The following UBXN7 variants were observed in gnomAD, a reference collection of about 807,000 sequenced individuals.
The protein encoded by UBXN7 is UBX domain protein 7.
Under a neutral mutation model 58.0 loss-of-function variants are expected in UBXN7, and 9 were observed. The ratio of observed to expected loss-of-function variants is 0.16; its 90% CI spans 0.09 to 0.27. UBXN7 has a LOEUF of 0.27. UBXN7 is among the 10% of genes least tolerant of loss of function. The pLI, the probability that UBXN7 is intolerant of heterozygous loss-of-function variation, is 1.00. For missense variants in UBXN7, 328 were observed against 599.6 expected, an observed-to-expected ratio of 0.55 and a Z score of 4.73; for synonymous variants, 208 against 205.0, an observed-to-expected ratio of 1.01 and a Z score of -0.12.
Position 196,405,331 on chromosome 3 carries a change from G to A in UBXN7, c.221+1915C>T, listed in dbSNP as rs925925154. 2.7e-4 allele frequency among the ~76,000 whole-genome samples: 41 copies of A among 151,402 alleles called. 2 individuals are homozygous for A. Among genetic ancestry groups the A allele is most frequent in the Admixed American group, 2.5e-3 (38 of 15,158 alleles). ...CTAAAAATAAGAAAATTAGCCGGGC[G>A]TGGTGGAGTGTACCAGCAGTCCCAG... On this transcript the variant is annotated intron_variant, in intron 2 of 10. Coordinates refer to ENST00000296328, the MANE Select transcript of UBXN7 (RefSeq NM_015562.2).
intron 2 of UBXN7, among the ~76,000 whole-genome samples, chr3:196,403,411 C>T (rs1455474524): frequency 6.6e-6 from 1 of 152,176 alleles, no homozygotes; most frequent in Admixed American, 6.5e-5. Flanking sequence ...ATCCACCCAC[C>T]TCAGCCTTCC....
At chr3:196,431,845 G>A (rs765950571) in intron 1 of UBXN7, 5 of 382,290 alleles carry the variant, frequency 1.3e-5, no homozygotes, top group Admixed American at 3.3e-5. Context: ...GGCTCCGAGG[G>A]GCCCAGAAAG....
rs1730541556 is a variant in UBXN7 at position 196,417,723 on chromosome 3, T to TAAAAAAAAAAAAAAAAAA, written c.74-10331_74-10330insTTTTTTTTTTTTTTTTTT. ...TTTGAGACCAGTCTGGGCAAAATGGTTAAAAAAAAAAAAAAAAAAAAAAAA... is the reference window on the plus strand; with the variant it reads ...TTTGAGACCAGTCTGGGCAAAATGGTAAAAAAAAAAAAAAAAAATAAAAAAAAAAAAAAAAAAAAAAAA... On this transcript the variant is annotated intron_variant, in intron 1 of 10. Coordinates refer to ENST00000296328, the MANE Select transcript of UBXN7 (RefSeq NM_015562.2). Among the ~76,000 whole-genome samples, 2 of 78,438 alleles carry TAAAAAAAAAAAAAAAAAA rather than the reference T, an allele frequency of 2.5e-5. 1 individual carries two copies. The allele number at this position is 78,438 out of a possible 152,430, so 51.5% of individuals were successfully genotyped here.
intron 1 of UBXN7, among the ~76,000 whole-genome samples, chr3:196,418,493 C>T (rs1730575041): frequency 6.6e-6 from 1 of 152,104 alleles, no homozygotes; most frequent in Non-Finnish European, 1.5e-5. Flanking sequence ...AAGTTGAACA[C>T]TCATTTTTTT....
At chr3:196,398,489 G>A (rs1443308924) in intron 3 of UBXN7, among the ~76,000 whole-genome samples, 1 of 152,040 alleles carries the variant, frequency 6.6e-6, no homozygotes, top group Non-Finnish European at 1.5e-5. Flanking sequence ...AATATTAATG[G>A]TTTCATTACA....
At chr3:196,367,980 T>A (rs987516602) in intron 8 of UBXN7, 48 bp downstream of exon 8, 9 of 1,594,316 alleles carry the variant, frequency 5.6e-6, no homozygotes, top group African/African-American at 2.7e-5. Context: ...AAGATGCTTA[T>A]GACCAATTAC....
intron 1 of UBXN7, chr3:196,431,877 G>C (rs890058774): frequency 2.8e-6 from 1 of 360,718 alleles, no homozygotes; most frequent in Non-Finnish European, 5.6e-6. Context: ...GCCGGGGACC[G>C]GGGCAGAATG....
At chr3:196,361,031 C>T (rs141804299) in intron 10 of UBXN7, among the ~76,000 whole-genome samples, 19 of 152,190 alleles carry the variant, frequency 1.2e-4, no homozygotes, top group African/African-American at 4.1e-4. Context: ...TGAAAATCTT[C>T]TGGAAAGGAT....
chr3:196,430,024 A>G (rs1192064228), intron 1 of UBXN7, among the ~76,000 whole-genome samples: 1 of 152,178 alleles, frequency 6.6e-6, no homozygotes, highest in Non-Finnish European at 1.5e-5. Flanking sequence ...GAGTTTGGGA[A>G]GAGTAGTAAT....
At position 196,432,408 on chromosome 3, in the gene UBXN7, C is replaced by A. The variant is rs373161636; in HGVS notation, c.-9G>T. The A allele has an allele frequency of 1.6e-5, 25 of 1,582,464 alleles. No individual in the cohort carries two copies. In the African/African-American group the frequency reaches 3.1e-4, roughly 20 times the overall value. ...CCCCCGTGGGCAGCCATCTTACCGCCGCCGCCGCCGCCGAACAACAACACA... is the reference window on the plus strand; with the variant it reads ...CCCCCGTGGGCAGCCATCTTACCGCAGCCGCCGCCGCCGAACAACAACACA... On this transcript the variant is annotated 5_prime_UTR_variant, in exon 1 of 11. Transcript: ENST00000296328.
intron 1 of UBXN7, among the ~76,000 whole-genome samples, chr3:196,424,421 GTCTC>G (rs947592198): frequency 1.5e-5 from 2 of 131,220 alleles, no homozygotes; most frequent in East Asian, 4.7e-4. Context: ...AAGAGACAAG[GTCTC>G]TCTCTGTCAC....
intron 1 of UBXN7, among the ~76,000 whole-genome samples, chr3:196,415,924 T>C (rs938487760): frequency 1.3e-5 from 2 of 152,212 alleles, no homozygotes; most frequent in African/African-American, 4.8e-5. Flanking sequence ...TGCGTCCCAA[T>C]GAACCCTAAA....
chr3:196,384,388 C>T (rs1247771885), intron 5 of UBXN7, among the ~76,000 whole-genome samples: 1 of 152,172 alleles, frequency 6.6e-6, no homozygotes, highest in Non-Finnish European at 1.5e-5. Context: ...GGAGCTGGTA[C>T]CATTCCTTCT....
intron 3 of UBXN7, among the ~76,000 whole-genome samples, chr3:196,397,170 A>T (rs114519215): frequency 6.6e-6 from 1 of 152,194 alleles, no homozygotes; most frequent in East Asian, 1.9e-4. Context: ...AGGAAACATC[A>T]GTCCTCTGTC....
intron 3 of UBXN7, among the ~76,000 whole-genome samples, chr3:196,395,008 G>A (rs930335573): frequency 1.3e-5 from 2 of 152,092 alleles, no homozygotes; most frequent in African/African-American, 4.8e-5. Flanking sequence ...ATATCTATGT[G>A]TTCTTAAACC....
intron 10 of UBXN7, among the ~76,000 whole-genome samples, chr3:196,359,755 G>A: frequency 6.6e-6 from 1 of 151,854 alleles, no homozygotes; most frequent in Non-Finnish European, 1.5e-5. Context: ...AAATACAAAA[G>A]TTAGCTGGGC....
At chr3:196,399,399 A>G (rs1323794145) in intron 3 of UBXN7, among the ~76,000 whole-genome samples, 2 of 151,994 alleles carry the variant, frequency 1.3e-5, no homozygotes, top group African/African-American at 4.8e-5. Context: ...CAGCCTCCCA[A>G]AGTGTTGAGA....
chr3:196,366,833 G>C (rs1157435843), intron 8 of UBXN7, among the ~76,000 whole-genome samples: 1 of 152,064 alleles, frequency 6.6e-6, no homozygotes, highest in Non-Finnish European at 1.5e-5. Flanking sequence ...AGGCTGTAGC[G>C]AGCCATGATC....
At position 196,353,447 on chromosome 3, in the gene UBXN7, T is replaced by C. The variant is rs544718042; in HGVS notation, c.*3238A>G. On this transcript the variant is annotated 3_prime_UTR_variant, in exon 11 of 11. Coordinates refer to ENST00000296328, the MANE Select transcript of UBXN7 (RefSeq NM_015562.2). ...TTCCGATACCAATTTCAAAAAAGTA[T>C]TCCTCTCACTTTTTTCCCACTAGTT... 7.2e-5 allele frequency: 11 copies of C among 152,048 alleles called. No individual in the cohort carries two copies. The highest frequency in any genetic ancestry group is 1.5e-4 in the Non-Finnish European group (10 of 68,016). The allele number at this position is 152,048 out of a possible 1,614,324, so 9.4% of individuals were successfully genotyped here. A position where few individuals can be genotyped will look rare whatever the true frequency, so the allele number is the denominator to read the frequency against.
Sources: allele counts gnomAD v4.1 joint callset (sites outside exome capture counted in the v4.1 genomes callset), GRCh38; gene constraint gnomAD v4.1.1; transcripts MANE v1.5; gene names NCBI Gene and HGNC (gene_info 2026-07-23, HGNC 2026-07-21).